PKNOX1: variants seen among roughly 807,000 people sequenced by gnomAD.
The protein encoded by PKNOX1 is PBX/knotted 1 homeobox 1, also known as homeobox protein PKNOX1.
A neutral mutation model predicts 51.9 loss-of-function variants in PKNOX1; 15 were observed. The observed-to-expected ratio is 0.29, with a 90% CI of 0.19 to 0.45. The LOEUF (loss-of-function observed/expected upper bound fraction) is 0.45, where lower values mean the gene tolerates loss of function less well. PKNOX1 is among the 20% of genes least tolerant of loss of function. The pLI, the probability that PKNOX1 is intolerant of heterozygous loss-of-function variation, is 1.00. For synonymous variants in PKNOX1, 219 were observed against 211.1 expected (o/e 1.04, Z -0.32); for missense variants, 462 against 547.5 (o/e 0.84, Z 1.56).
chr21:42,998,306 A>G (rs1043145486), intron 1 of PKNOX1, among the ~76,000 whole-genome samples: 1 of 152,118 alleles, frequency 6.6e-6, no homozygotes, highest in South Asian at 2.1e-4. Context: ...ACTTGCCCCC[A>G]TGATTCAACT....
At chr21:42,986,621 G>A (rs2059053677) in intron 1 of PKNOX1, among the ~76,000 whole-genome samples, 4 of 152,202 alleles carry the variant, frequency 2.6e-5, no homozygotes, top group African/African-American at 9.7e-5. Context: ...TGGACAACTG[G>A]CTTGTGGTTT....
intron 9 of PKNOX1, among the ~76,000 whole-genome samples, chr21:43,025,200 C>A (rs1169648212): frequency 6.6e-6 from 1 of 152,108 alleles, no homozygotes; most frequent in Non-Finnish European, 1.5e-5. Flanking sequence ...AATATGAGTT[C>A]TTTTAATGGG....
chr21:42,998,849 A>G (rs1978620975), intron 1 of PKNOX1, among the ~76,000 whole-genome samples: 1 of 152,102 alleles, frequency 6.6e-6, no homozygotes, highest in Non-Finnish European at 1.5e-5. Flanking sequence ...ACGGGCTGGC[A>G]TTTAGTGTCT....
intron 2 of PKNOX1, among the ~76,000 whole-genome samples, chr21:43,005,532 G>T (rs1403033761): frequency 9.5e-6 from 1 of 105,552 alleles, no homozygotes; most frequent in Non-Finnish European, 2.1e-5. Context: ...ATTTCCAATT[G>T]ACTTTTTTTT....
intron 2 of PKNOX1, among the ~76,000 whole-genome samples, chr21:43,004,786 G>GGA (rs951290940): frequency 5.2e-4 from 79 of 152,294 alleles, no homozygotes; most frequent in African/African-American, 1.8e-3. Context: ...GTGTCTAACT[G>GGA]GATCAGCTTT....
At chr21:42,979,944 C>G (rs537220449) in intron 1 of PKNOX1, among the ~76,000 whole-genome samples, 58 of 152,300 alleles carry the variant, frequency 3.8e-4, no homozygotes, top group Non-Finnish European at 7.1e-4. Flanking sequence ...TGACTTGTTT[C>G]AAAGATTAAC....
At chr21:43,001,408 ACTCTTCCTTGGCACTCAGCCTC>A (rs1336382331) in intron 1 of PKNOX1, among the ~76,000 whole-genome samples, 1 of 151,482 alleles carries the variant, frequency 6.6e-6, no homozygotes. Flanking sequence ...CCTCAGCCCC[ACTCTTCCTTGGCACTCAGCCTC>A]CTCTTCCTTG....
chr21:43,014,649 A>C (rs943114163), intron 5 of PKNOX1, among the ~76,000 whole-genome samples: 1 of 152,174 alleles, frequency 6.6e-6, no homozygotes, highest in African/African-American at 2.4e-5. Context: ...AGGTCTCACT[A>C]TGTTGCCCAG....
intron 3 of PKNOX1, among the ~76,000 whole-genome samples, chr21:43,009,610 CAAAAA>C (rs1202062070): frequency 1.3e-5 from 1 of 76,168 alleles, no homozygotes; most frequent in African/African-American, 5.7e-5. Flanking sequence ...GACTCCATCT[CAAAAA>C]AAAAAAAAAA....
At chr21:42,976,456 T>C (rs2058998179) in intron 1 of PKNOX1, among the ~76,000 whole-genome samples, 1 of 152,206 alleles carries the variant, frequency 6.6e-6, no homozygotes, top group Non-Finnish European at 1.5e-5. Flanking sequence ...ACTCCTCCTT[T>C]CATGAAAGAC....
chr21:43,004,497 C>A, intron 2 of PKNOX1, 65 bp downstream of exon 2: 1 of 1,034,888 alleles, frequency 9.7e-7, no homozygotes, highest in Non-Finnish European at 1.5e-6. Flanking sequence ...ATGAACATTG[C>A]TTTGTATACT....
In PKNOX1 at chr21:42,993,878, A is replaced by G. The variant is rs970576053; in HGVS notation, c.-56-10448A>G. On this transcript the variant is annotated intron_variant, in intron 1 of 10. Coordinates refer to ENST00000291547, the MANE Select transcript of PKNOX1 (RefSeq NM_004571.5). ...CTCCGGAGTAGCTGGGATTACAGGC[A>G]CACGCCACCATGCCCGGCTAATTTT... 5.3e-5 allele frequency among the ~76,000 whole-genome samples: 8 copies of G among 151,568 alleles called. No homozygotes were observed. In the South Asian group the frequency reaches 6.3e-4, roughly 12 times the overall value.
intron 1 of PKNOX1, among the ~76,000 whole-genome samples, chr21:42,988,571 G>A (rs1264513587): frequency 1.3e-5 from 2 of 152,178 alleles, no homozygotes; most frequent in Non-Finnish European, 2.9e-5. Context: ...AGGAATATAT[G>A]TGAGTAGTTC....
At chr21:43,024,164 C>T (rs1432208942) in intron 8 of PKNOX1, among the ~76,000 whole-genome samples, 1 of 152,190 alleles carries the variant, frequency 6.6e-6, no homozygotes, top group African/African-American at 2.4e-5. Context: ...GCAGAGATCT[C>T]ACCCCAGGAA....
intron 1 of PKNOX1, among the ~76,000 whole-genome samples, chr21:42,982,170 G>A (rs368462778): frequency 7.9e-5 from 12 of 152,316 alleles, no homozygotes; most frequent in African/African-American, 2.6e-4. Flanking sequence ...GGCCTTGGGT[G>A]TTGCAGGGCT....
At chr21:43,008,711 G>A (rs912580857) in intron 3 of PKNOX1, among the ~76,000 whole-genome samples, 1 of 152,076 alleles carries the variant, frequency 6.6e-6, no homozygotes, top group African/African-American at 2.4e-5. Flanking sequence ...CCCGGTAGGC[G>A]GAGGTTGCAG....
intron 7 of PKNOX1, among the ~76,000 whole-genome samples, chr21:43,020,994 A>G (rs555001186): frequency 2.0e-5 from 3 of 152,224 alleles, no homozygotes; most frequent in Non-Finnish European, 4.4e-5. Flanking sequence ...CTGTGGTCCC[A>G]GCTACCCAGG....
At chr21:42,986,617 A>G (rs946647455) in intron 1 of PKNOX1, among the ~76,000 whole-genome samples, 2 of 152,242 alleles carry the variant, frequency 1.3e-5, no homozygotes, top group African/African-American at 4.8e-5. Context: ...GAGATGGACA[A>G]CTGGCTTGTG....
intron 4 of PKNOX1, 146 bp from the exon 5 acceptor site, chr21:43,012,922 G>A (rs919414833): frequency 1.4e-5 from 9 of 657,872 alleles, no homozygotes; most frequent in Non-Finnish European, 2.4e-5. Flanking sequence ...CAACACATCA[G>A]TTTAGAGGAT....
Sources: gnomAD v4.1 joint callset for allele counts (sites outside exome capture counted in the v4.1 genomes callset) on GRCh38, gnomAD v4.1.1 for gene constraint, MANE v1.5 for transcripts, NCBI Gene and HGNC (gene_info 2026-07-23, HGNC 2026-07-21) for gene names.